Variants in MAGI2 observed in about 807,000 individuals in gnomAD.
The protein encoded by MAGI2 is membrane associated guanylate kinase, WW and PDZ domain containing 2, also known as membrane-associated guanylate kinase, WW and PDZ domain-containing protein 2.
MAGI2 carries 35 observed loss-of-function variants against 133.3 expected under a neutral mutation model. The ratio of observed to expected loss-of-function variants is 0.26; its 90% CI spans 0.20 to 0.35. The LOEUF (loss-of-function observed/expected upper bound fraction) is 0.35, where lower values mean the gene tolerates loss of function less well. Ranked by LOEUF, MAGI2 falls within the 10% of genes least tolerant of loss-of-function variation. The probability of loss-of-function intolerance (pLI) is 1.00; values close to 1 mark genes in which losing one functional copy is unlikely to be tolerated. For missense variants in MAGI2, 1,636 were observed against 1,863.4 expected (o/e 0.88, Z 2.25); for synonymous variants, 729 against 710.6 (o/e 1.03, Z -0.41).
At chr7:78,456,279 A>G (rs1789312173) in intron 6 of MAGI2, among the ~76,000 whole-genome samples, 1 of 152,090 alleles carries the variant, frequency 6.6e-6, no homozygotes, top group African/African-American at 2.4e-5. Context: ...CTAAACTTTA[A>G]GGCTTTTTAT....
chr7:79,242,880 G>T (rs1172599688), intron 1 of MAGI2, among the ~76,000 whole-genome samples: 1 of 152,018 alleles, frequency 6.6e-6, no homozygotes, highest in Non-Finnish European at 1.5e-5. Flanking sequence ...TTCCCTAAAA[G>T]CATAATGCTA....
intron 3 of MAGI2, among the ~76,000 whole-genome samples, chr7:78,609,640 T>C (rs1376881768): frequency 6.6e-6 from 1 of 152,208 alleles, no homozygotes; most frequent in Non-Finnish European, 1.5e-5. Context: ...TACCTTCTTC[T>C]ACTACCCACC....
intron 2 of MAGI2, among the ~76,000 whole-genome samples, chr7:78,855,878 A>G (rs1793592848): frequency 6.6e-6 from 1 of 152,224 alleles, no homozygotes; most frequent in Non-Finnish European, 1.5e-5. Flanking sequence ...CCAACAGTGT[A>G]AAAGTGTTCC....
In MAGI2 at chr7:78,159,990, C is replaced by T. The variant is rs143478129; in HGVS notation, c.2845+35G>A. 1.2e-4 allele frequency: 187 copies of T among 1,524,396 alleles called. No individual in the cohort carries two copies. The African/African-American group carries it at 2.3e-3, about 19-fold the overall frequency. The allele number at this position is 1,524,396 out of a possible 1,614,324, so 94.4% of individuals were successfully genotyped here. On this transcript the variant is annotated intron_variant, in intron 16 of 21. Transcript: ENST00000354212. The stretch of plus-strand genomic sequence containing the variant: ...TCACTGGAACAAATCAAAACAAGAC[C>T]CCTTATTCAAATGCAGGCAAATTTC...
chr7:78,452,821 C>A (rs1238469979), intron 6 of MAGI2, among the ~76,000 whole-genome samples: 3 of 151,492 alleles, frequency 2.0e-5, no homozygotes. Context: ...AAAATACATA[C>A]TTTTGATGTG....
At chr7:79,230,346 A>T (rs934102648) in intron 1 of MAGI2, among the ~76,000 whole-genome samples, 2 of 152,074 alleles carry the variant, frequency 1.3e-5, no homozygotes, top group African/African-American at 4.8e-5. Flanking sequence ...TTCTAGTTCT[A>T]GATCCCTGAG....
At chr7:78,133,557 C>T (rs1286826348) in intron 17 of MAGI2, among the ~76,000 whole-genome samples, 1 of 152,144 alleles carries the variant, frequency 6.6e-6, no homozygotes, top group Admixed American at 6.5e-5. Flanking sequence ...CTGGACTCCA[C>T]ACTTTTCCAG....
chr7:78,245,769 C>T (rs1219881629), intron 10 of MAGI2, among the ~76,000 whole-genome samples: 1 of 152,172 alleles, frequency 6.6e-6, no homozygotes, highest in Admixed American at 6.5e-5. Context: ...TCCTCACAGA[C>T]ACTGAACCCA....
intron 2 of MAGI2, among the ~76,000 whole-genome samples, chr7:78,707,772 T>A (rs1466336394): frequency 6.6e-6 from 1 of 152,130 alleles, no homozygotes; most frequent in Non-Finnish European, 1.5e-5. Flanking sequence ...TTGTTTTACA[T>A]ACCTAGATTT....
intron 1 of MAGI2, among the ~76,000 whole-genome samples, chr7:79,056,154 G>A (rs6958348): frequency 0.45 from 67,663 of 151,964 alleles, 16,578 homozygotes; most frequent in African/African-American, 0.66. Flanking sequence ...AGCCCTTTCG[G>A]GGGCTGAGGC....
chr7:78,461,425 T>TGTGTGTGTGTGTGTGTGTGTGTG (rs1790005425), intron 6 of MAGI2, among the ~76,000 whole-genome samples: 3 of 150,234 alleles, frequency 2.0e-5, no homozygotes, highest in African/African-American at 4.9e-5. Context: ...TGTGTGTGTG[T>TGTGTGTGTGTGTGTGTGTGTGTG]TGGGATATAT....
intron 1 of MAGI2, among the ~76,000 whole-genome samples, chr7:79,386,455 G>C (rs1279738517): frequency 6.6e-6 from 1 of 151,982 alleles, no homozygotes; most frequent in Non-Finnish European, 1.5e-5. Flanking sequence ...GGCTGTGATT[G>C]ACAGCAGAGC....
chr7:78,486,719 G>A (rs1455303486), intron 6 of MAGI2: 5 of 401,112 alleles, frequency 1.2e-5, no homozygotes, highest in Middle Eastern at 4.8e-4. Flanking sequence ...GTAGGGACTC[G>A]GTGGTTTGGA....
At chr7:78,881,532 C>G (rs868320355) in intron 2 of MAGI2, among the ~76,000 whole-genome samples, 4 of 151,926 alleles carry the variant, frequency 2.6e-5, no homozygotes, top group Non-Finnish European at 4.4e-5. Flanking sequence ...ACACATGTAA[C>G]AAACCTGCAC....
intron 2 of MAGI2, among the ~76,000 whole-genome samples, chr7:78,819,947 A>G (rs2151424531): frequency 6.6e-6 from 1 of 152,142 alleles, no homozygotes; most frequent in African/African-American, 2.4e-5. Context: ...AATCTGTGCC[A>G]TTTCAGTGGC....
chr7:79,329,907 C>T (rs919887385), intron 1 of MAGI2, among the ~76,000 whole-genome samples: 1 of 152,022 alleles, frequency 6.6e-6, no homozygotes, highest in African/African-American at 2.4e-5. Flanking sequence ...AATTCCAACC[C>T]GGTTATTCTA....
intron 2 of MAGI2, among the ~76,000 whole-genome samples, chr7:78,794,942 C>T (rs1787482459): frequency 6.6e-6 from 1 of 152,058 alleles, no homozygotes; most frequent in South Asian, 2.1e-4. Flanking sequence ...GTTTGCCAGG[C>T]TGACCTTGAA....
At chr7:79,378,926 G>GTGTGTATATATATA (rs1158436636) in intron 1 of MAGI2, among the ~76,000 whole-genome samples, 5 of 94,606 alleles carry the variant, frequency 5.3e-5, no homozygotes, top group African/African-American at 1.8e-4. Flanking sequence ...ATGTGTGTGT[G>GTGTGTATATATATA]TATATATATA....
chr7:78,745,673 C>T (rs1822860363), intron 2 of MAGI2, among the ~76,000 whole-genome samples: 1 of 152,166 alleles, frequency 6.6e-6, no homozygotes, highest in African/African-American at 2.4e-5. Context: ...TCAGTCAGAA[C>T]AGCTGTAATA....
Sources: allele counts gnomAD v4.1 joint callset (sites outside exome capture counted in the v4.1 genomes callset), GRCh38; gene constraint gnomAD v4.1.1; transcripts MANE v1.5; gene names NCBI Gene and HGNC (gene_info 2026-07-23, HGNC 2026-07-21).